The following ASH1L variants were observed in gnomAD, a reference collection of about 807,000 sequenced individuals.
ASH1L encodes histone-lysine N-methyltransferase ASH1L.
ASH1L carries 23 observed loss-of-function variants against 269.0 expected under a neutral mutation model. That is an observed-to-expected ratio of 0.09 (90% CI 0.06 to 0.12). ASH1L has a LOEUF of 0.12. Among genes scored for constraint, ASH1L ranks in the 10% least tolerant of loss-of-function variants. The pLI is 1.00. For missense variants in ASH1L, 2,912 were observed against 3,567.8 expected, an observed-to-expected ratio of 0.82 and a Z score of 4.68; for synonymous variants, 1,187 against 1,253.5, an observed-to-expected ratio of 0.95 and a Z score of 1.12.
At chr1:155,404,198 T>A (rs1659079871) in intron 6 of ASH1L, among the ~76,000 whole-genome samples, 1 of 149,224 alleles carries the variant, frequency 6.7e-6, no homozygotes, top group Non-Finnish European at 1.5e-5. Context: ...TCTGAAAAAA[T>A]AAAAAAATTA....
intron 2 of ASH1L, among the ~76,000 whole-genome samples, chr1:155,509,060 G>GA (rs751156222): frequency 1.7e-4 from 26 of 149,500 alleles, no homozygotes; most frequent in African/African-American, 2.2e-4. Context: ...CCACATTCTA[G>GA]AAAAAAAAAA....
intron 4 of ASH1L, among the ~76,000 whole-genome samples, chr1:155,441,980 T>G (rs527795627): frequency 2.0e-5 from 3 of 152,094 alleles, no homozygotes; most frequent in African/African-American, 7.2e-5. Flanking sequence ...TTGCCTAGGC[T>G]GGTCTCAAAC....
intron 2 of ASH1L, among the ~76,000 whole-genome samples, chr1:155,518,512 C>G (rs916538500): frequency 6.6e-6 from 1 of 151,882 alleles, no homozygotes; most frequent in Admixed American, 6.6e-5. Flanking sequence ...ATATAAAGAA[C>G]CTGGACAATT....
intron 5 of ASH1L, among the ~76,000 whole-genome samples, chr1:155,416,292 G>C (rs1427956133): frequency 6.6e-6 from 1 of 152,006 alleles, no homozygotes; most frequent in African/African-American, 2.4e-5. Flanking sequence ...CACCAGTTTT[G>C]TATTTTTAGT....
chr1:155,449,918 T>C (rs1415769017), intron 4 of ASH1L, among the ~76,000 whole-genome samples: 3 of 152,220 alleles, frequency 2.0e-5, no homozygotes, highest in African/African-American at 7.2e-5. Context: ...TTTCTTTCTA[T>C]CTGAAGAACG....
intron 6 of ASH1L, among the ~76,000 whole-genome samples, chr1:155,403,073 T>C (rs1275118454): frequency 1.3e-5 from 2 of 150,700 alleles, no homozygotes; most frequent in African/African-American, 4.9e-5. Context: ...TAATCCCAGC[T>C]ACTTGGGAGG....
At chr1:155,419,984 A>G (rs1660534231) in intron 5 of ASH1L, among the ~76,000 whole-genome samples, 1 of 152,180 alleles carries the variant, frequency 6.6e-6, no homozygotes, top group African/African-American at 2.4e-5. Flanking sequence ...TGTTCTATCA[A>G]TGAGAAAACT....
intron 1 of ASH1L, among the ~76,000 whole-genome samples, chr1:155,556,655 A>C (rs937133488): frequency 1.3e-5 from 2 of 151,860 alleles, no homozygotes; most frequent in African/African-American, 4.8e-5. Context: ...GTTAGCCAGG[A>C]TGGTCTCGAA....
In ASH1L at chr1:155,482,185, G is replaced by C. The variant is rs371681795; in HGVS notation, c.685C>G (p.Pro229Ala). 1 of 1,614,080 alleles carries C rather than the reference G, an allele frequency of 6.2e-7. No homozygotes were observed. Among genetic ancestry groups the C allele is most frequent in the Non-Finnish European group, 8.5e-7 (1 of 1,180,028 alleles). The stretch of plus-strand genomic sequence containing the variant: ...GGTTTTGTCTTGGAAGACTTGGAAG[G>C]AGGACAGGTAGCAATCAGCTGTGCC... ...KLAQLIATCP[P>A]SKSSKTKPKK... Residue 229 changes from proline to alanine, a missense_variant, in exon 3 of 28, where the codon CCT becomes GCT. By Grantham distance (27) the Pro-to-Ala change is conservative (BLOSUM62 -1). Coordinates refer to ENST00000392403, the MANE Select transcript of ASH1L (RefSeq NM_018489.3).
At chr1:155,472,221 C>T (rs761192110) in intron 3 of ASH1L, among the ~76,000 whole-genome samples, 8 of 152,132 alleles carry the variant, frequency 5.3e-5, no homozygotes, top group African/African-American at 7.2e-5. Flanking sequence ...ACCCAGGAGG[C>T]GGGTTTTGCA....
At chr1:155,424,476 C>T (rs533223835) in intron 5 of ASH1L, among the ~76,000 whole-genome samples, 30 of 151,736 alleles carry the variant, frequency 2.0e-4, no homozygotes, top group African/African-American at 5.8e-4. Flanking sequence ...GGTGCGATCT[C>T]GGCTCACTGC....
chr1:155,390,322 T>A (rs887828068), intron 7 of ASH1L, among the ~76,000 whole-genome samples: 13 of 152,198 alleles, frequency 8.5e-5, no homozygotes, highest in African/African-American at 2.7e-4. Flanking sequence ...ATAGTCTAGA[T>A]CTTTTAAATA....
At chr1:155,540,381 T>G (rs1417446582) in intron 1 of ASH1L, among the ~76,000 whole-genome samples, 1 of 152,204 alleles carries the variant, frequency 6.6e-6, no homozygotes, top group Non-Finnish European at 1.5e-5. Context: ...CACTGTTTAC[T>G]TTTTGTTGTT....
At position 155,513,510 on chromosome 1, in the gene ASH1L, G is replaced by A. The variant is rs76189062; in HGVS notation, c.420+7590C>T. Among the ~76,000 whole-genome samples the A allele has an allele frequency of 5.2e-4, 78 of 151,306 alleles. 1 individual carries two copies. In the East Asian group the frequency reaches 0.014, roughly 28 times the overall value. On this transcript the variant is annotated intron_variant, in intron 2 of 27. Coordinates refer to ENST00000392403, the MANE Select transcript of ASH1L (RefSeq NM_018489.3). ...CATCTGAGCCCAGGAGGTCAAGGCT[G>A]CAGTGAGCTGTGATTATGCCACTGC... is the stretch of plus-strand genomic sequence containing the variant.
At chr1:155,421,045 G>T (rs528146492) in intron 5 of ASH1L, among the ~76,000 whole-genome samples, 1 of 151,056 alleles carries the variant, frequency 6.6e-6, no homozygotes, top group Non-Finnish European at 1.5e-5. Context: ...GAGACCAACC[G>T]AGGCAACATA....
chr1:155,356,860 AG>A (rs946544550), intron 15 of ASH1L, among the ~76,000 whole-genome samples: 6 of 151,516 alleles, frequency 4.0e-5, no homozygotes, highest in African/African-American at 1.2e-4. Context: ...AGATCGGGGC[AG>A]GAGGATAGCT....
chr1:155,562,094 G>C (rs753352915), intron 1 of ASH1L, 59 bp downstream of exon 1: 3 of 1,155,124 alleles, frequency 2.6e-6, no homozygotes, highest in Non-Finnish European at 3.8e-6. Flanking sequence ...AGAAAGCCCA[G>C]GATTCAATCG....
chr1:155,560,522 C>T (rs1205154880), intron 1 of ASH1L, among the ~76,000 whole-genome samples: 1 of 152,124 alleles, frequency 6.6e-6, no homozygotes, highest in African/African-American at 2.4e-5. Flanking sequence ...AAAAACAGTT[C>T]TCTGGTTTTA....
At chr1:155,453,948 A>T (rs1443329543) in intron 4 of ASH1L, among the ~76,000 whole-genome samples, 2 of 152,130 alleles carry the variant, frequency 1.3e-5, no homozygotes, top group Non-Finnish European at 2.9e-5. Context: ...TAAAAATACA[A>T]AAAGAAATTA....
Sources: allele counts gnomAD v4.1 joint callset (sites outside exome capture counted in the v4.1 genomes callset), GRCh38; gene constraint gnomAD v4.1.1; transcripts MANE v1.5; gene names NCBI Gene and HGNC (gene_info 2026-07-23, HGNC 2026-07-21).